Variants in CDH13 observed in about 807,000 individuals in gnomAD.
The protein encoded by CDH13 is cadherin 13, also known as cadherin-13.
In CDH13, 24 loss-of-function variants were observed where a neutral mutation model predicts 63.8. That is an observed-to-expected ratio of 0.38 (90% CI 0.27 to 0.53). The LOEUF (loss-of-function observed/expected upper bound fraction) is 0.53. Among genes scored for constraint, CDH13 ranks in the 20% least tolerant of loss-of-function variants. The pLI is 0.85. For missense variants in CDH13, 1,049 were observed against 903.1 expected (o/e 1.16, Z -2.07); for synonymous variants, 503 against 355.3 (o/e 1.42, Z -4.67).
At chr16:83,643,592 G>T (rs544541660) in intron 8 of CDH13, among the ~76,000 whole-genome samples, 24 of 152,032 alleles carry the variant, frequency 1.6e-4, no homozygotes, top group Non-Finnish European at 2.6e-4. Flanking sequence ...TATTTTTATT[G>T]TTCCCCCTTC....
rs2035039581 is a variant in CDH13 at position 83,111,164 on chromosome 16, TC to T, written c.367-14219del. Among the ~76,000 whole-genome samples the T allele has an allele frequency of 3.9e-5, 5 of 129,686 alleles. No individual in the cohort carries two copies. The South Asian group carries it at 1.2e-3, about 31-fold the overall frequency. The allele number at this position is 129,686 out of a possible 152,430, so 85.1% of individuals were successfully genotyped here. A position where few individuals can be genotyped will look rare whatever the true frequency, so the allele number is the denominator to read the frequency against. ...TCCAGCCTGGGCGACAGAGCGGGAC[TC>T]CGTCTCAAAAAAAAAAGAAAAAAAT... On this transcript the variant is annotated intron_variant, in intron 3 of 13. Transcript: ENST00000567109.
At chr16:83,772,156 G>A (rs1914801391) in intron 11 of CDH13, among the ~76,000 whole-genome samples, 2 of 152,168 alleles carry the variant, frequency 1.3e-5, no homozygotes, top group Non-Finnish European at 2.9e-5. Flanking sequence ...TCAATATTAA[G>A]AAAAGAAGTA....
At chr16:82,666,644 C>G (rs1247817498) in intron 1 of CDH13, among the ~76,000 whole-genome samples, 1 of 152,176 alleles carries the variant, frequency 6.6e-6, no homozygotes, top group East Asian at 1.9e-4. Context: ...GTAGGTTAAC[C>G]ATACAACAAC....
chr16:83,189,637 C>T (rs1319690002), intron 4 of CDH13, among the ~76,000 whole-genome samples: 1 of 152,158 alleles, frequency 6.6e-6, no homozygotes, highest in East Asian at 1.9e-4. Flanking sequence ...TGTACTCTCC[C>T]TTTGCGTGGT....
intron 4 of CDH13, among the ~76,000 whole-genome samples, chr16:83,172,350 G>A (rs2037956408): frequency 6.6e-6 from 1 of 151,998 alleles, no homozygotes; most frequent in Non-Finnish European, 1.5e-5. Flanking sequence ...ATTTAGCCAG[G>A]CGTAGTGGTG....
At chr16:82,812,432 G>A (rs981625545) in intron 1 of CDH13, among the ~76,000 whole-genome samples, 7 of 152,132 alleles carry the variant, frequency 4.6e-5, no homozygotes, top group Non-Finnish European at 1.0e-4. Context: ...AGGTGGAGGA[G>A]CCTAAAAATG....
intron 7 of CDH13, among the ~76,000 whole-genome samples, chr16:83,549,880 A>G (rs1252722894): frequency 6.6e-6 from 1 of 152,164 alleles, no homozygotes; most frequent in East Asian, 1.9e-4. Context: ...TGAAAGAGAG[A>G]GAGAGACAGA....
intron 7 of CDH13, among the ~76,000 whole-genome samples, chr16:83,509,801 A>C (rs1030537991): frequency 1.3e-5 from 2 of 152,270 alleles, no homozygotes; most frequent in Middle Eastern, 6.8e-3. Flanking sequence ...TATTTTGTGG[A>C]TTCTCATTTA....
intron 4 of CDH13, among the ~76,000 whole-genome samples, chr16:83,187,151 A>T (rs901836531): frequency 3.3e-5 from 5 of 152,058 alleles, no homozygotes; most frequent in African/African-American, 1.2e-4. Context: ...TTATGTTTTT[A>T]GTAGAAATGG....
chr16:83,024,977 T>C (rs1567755276), intron 2 of CDH13, among the ~76,000 whole-genome samples: 1 of 152,118 alleles, frequency 6.6e-6, no homozygotes, highest in African/African-American at 2.4e-5. Context: ...AGTAACCATT[T>C]CCATGGCAAC....
At chr16:82,972,140 C>T (rs1157442837) in intron 2 of CDH13, among the ~76,000 whole-genome samples, 3 of 152,124 alleles carry the variant, frequency 2.0e-5, no homozygotes, top group African/African-American at 7.2e-5. Flanking sequence ...AATTTGGGGA[C>T]ACTGATTAGG....
intron 1 of CDH13, among the ~76,000 whole-genome samples, chr16:82,828,476 G>T (rs1425850174): frequency 1.3e-5 from 2 of 152,088 alleles, no homozygotes; most frequent in African/African-American, 4.8e-5. Context: ...CCTCAGCTAG[G>T]AGTGTTGGCG....
chr16:83,681,798 C>T lies in CDH13; in HGVS notation c.1538+3337C>T, dbSNP rs138321696. 7.5e-3 allele frequency among the ~76,000 whole-genome samples: 1,143 copies of T among 152,260 alleles called. 16 individuals are homozygous for T. The highest frequency in any genetic ancestry group is 0.026 in the African/African-American group (1,081 of 41,552). ...GGAGGAGTGGGGCTGCAGAGAGGGG[C>T]CAGGATGGGAGACACTTTTCTAATC... is the stretch of plus-strand genomic sequence containing the variant. On this transcript the variant is annotated intron_variant, in intron 10 of 13. Transcript: ENST00000567109.
At chr16:83,226,824 G>A (rs904206327) in intron 5 of CDH13, among the ~76,000 whole-genome samples, 20 of 152,072 alleles carry the variant, frequency 1.3e-4, no homozygotes, top group African/African-American at 4.3e-4. Context: ...GACACTCTGG[G>A]ACCAGATCCC....
At chr16:83,786,743 A>G (rs1258491598) in intron 13 of CDH13, among the ~76,000 whole-genome samples, 1 of 151,956 alleles carries the variant, frequency 6.6e-6, no homozygotes, top group African/African-American at 2.4e-5. Context: ...ATGCACCACC[A>G]TGCCCGGCTA....
chr16:83,109,737 G>C (rs1289968285), intron 3 of CDH13, among the ~76,000 whole-genome samples: 2 of 152,190 alleles, frequency 1.3e-5, no homozygotes, highest in African/African-American at 4.8e-5. Context: ...GATGCCTCCA[G>C]CTGGTCACAA....
chr16:83,147,367 G>T (rs1469995174), intron 4 of CDH13, among the ~76,000 whole-genome samples: 1 of 152,052 alleles, frequency 6.6e-6, no homozygotes, highest in Non-Finnish European at 1.5e-5. Context: ...TCCACTTCCT[G>T]CCTGCACCCT....
At chr16:83,660,484 G>A (rs1457899333) in intron 8 of CDH13, among the ~76,000 whole-genome samples, 2 of 152,092 alleles carry the variant, frequency 1.3e-5, no homozygotes, top group African/African-American at 2.4e-5. Flanking sequence ...ATGAGCAATG[G>A]GGAGCAGCCG....
intron 4 of CDH13, among the ~76,000 whole-genome samples, chr16:83,166,620 T>C (rs1221302994): frequency 6.6e-6 from 1 of 152,162 alleles, no homozygotes; most frequent in South Asian, 2.1e-4. Flanking sequence ...GGAATATAGA[T>C]TGTGCTCTTA....
Sources: allele counts gnomAD v4.1 joint callset (sites outside exome capture counted in the v4.1 genomes callset), GRCh38; gene constraint gnomAD v4.1.1; transcripts MANE v1.5; gene names NCBI Gene and HGNC (gene_info 2026-07-23, HGNC 2026-07-21).